NLRP5: variants seen among roughly 807,000 people sequenced by gnomAD.
NLRP5 encodes the protein NACHT, LRR and PYD domains-containing protein 5.
A neutral mutation model predicts 113.1 loss-of-function variants in NLRP5; 93 were observed. The ratio of observed to expected loss-of-function variants is 0.82; its 90% CI spans 0.70 to 0.98. NLRP5 has a LOEUF of 0.98. NLRP5 is among the 50% of genes least tolerant of loss of function. The pLI, the probability that NLRP5 is intolerant of heterozygous loss-of-function variation, is 0.00. For missense variants in NLRP5, 1,808 were observed against 1,514.3 expected, an observed-to-expected ratio of 1.19 and a Z score of -3.22; for synonymous variants, 751 against 600.7, an observed-to-expected ratio of 1.25 and a Z score of -3.66.
At chr19:56,060,089 G>A (rs552497876) in intron 14 of NLRP5, among the ~76,000 whole-genome samples, 3 of 152,292 alleles carry the variant, frequency 2.0e-5, no homozygotes, top group East Asian at 3.9e-4. Context: ...GACAAAATGA[G>A]CTGAAAAGGT....
upstream of NLRP5, among the ~76,000 whole-genome samples, chr19:55,995,712 A>G: frequency 6.6e-6 from 1 of 152,174 alleles, no homozygotes; most frequent in East Asian, 1.9e-4. Context: ...TCTTCTAATC[A>G]GTGAACGTTA....
In NLRP5 at chr19:56,028,012, C is replaced by CT; in HGVS notation, c.1781dup (p.Leu594PhefsTer20). On this transcript the variant is annotated frameshift_variant, in exon 7 of 15. Coordinates refer to ENST00000390649, the MANE Select transcript of NLRP5 (RefSeq NM_153447.4). LOFTEE classifies it high-confidence loss of function. The stretch of plus-strand genomic sequence containing the variant: ...TCAGTCTCCAGGACTTCTGTGCCGC[C>CT]TTGTACTACGTGTTAGAGGGCCTGG... 2.5e-6 allele frequency: 4 copies of CT among 1,614,030 alleles called. No individual in the cohort carries two copies. The highest frequency in any genetic ancestry group is 3.4e-6 in the Non-Finnish European group (4 of 1,179,902).
At chr19:56,054,190 T>G (rs945251814) in intron 13 of NLRP5, among the ~76,000 whole-genome samples, 1 of 152,114 alleles carries the variant, frequency 6.6e-6, no homozygotes, top group Non-Finnish European at 1.5e-5. Context: ...CCTTAAAACT[T>G]CAGTGAGCAT....
At position 56,032,684 on chromosome 19, in the gene NLRP5, C is replaced by T. The variant is rs202235616; in HGVS notation, c.2350C>T (p.Arg784Trp). The change falls in exon 8 of 15, where the codon CGG becomes TGG. Residue 784 changes from arginine (R) to tryptophan (W), a missense_variant. Coordinates refer to ENST00000390649, the MANE Select transcript of NLRP5 (RefSeq NM_153447.4). ...CATGCTTGGCACCCACCCACACCTG[C>T]GGCAGCTGGACCTGGGCAGCAGCAT... 2.9e-5 allele frequency: 47 copies of T among 1,613,408 alleles called. No homozygotes were observed. In the African/African-American group the frequency reaches 3.2e-4, roughly 11 times the overall value.
At position 56,007,908 on chromosome 19, in the gene NLRP5, T is replaced by C. The variant is rs7253134; in HGVS notation, c.443-880T>C. Reference sequence around the variant, plus strand: ...GTGTGTGCGCGTGCGCGCGTGCGTGTGTGTGTGTGTGTGTGTGTGTGTGTG... The same window carrying C: ...GTGTGTGCGCGTGCGCGCGTGCGTGCGTGTGTGTGTGTGTGTGTGTGTGTG... On this transcript the variant is annotated intron_variant, in intron 2 of 14. Transcript: ENST00000390649. Among the ~76,000 whole-genome samples, 13 of 21,772 alleles carry C rather than the reference T, an allele frequency of 6.0e-4. 1 individual carries two copies. The East Asian group carries it at 0.016, about 27-fold the overall frequency. The allele number at this position is 21,772 out of a possible 152,430, so 14.3% of individuals were successfully genotyped here. A position where few individuals can be genotyped will look rare whatever the true frequency, so the allele number is the denominator to read the frequency against.
chr19:55,994,787 C>T (rs995207974), upstream of NLRP5, among the ~76,000 whole-genome samples: 11 of 152,004 alleles, frequency 7.2e-5, no homozygotes, highest in African/African-American at 2.2e-4. Flanking sequence ...GCTTTTGTTG[C>T]CTGTCCTTTT....
At chr19:56,052,846 T>G (rs1983981286) in intron 12 of NLRP5, among the ~76,000 whole-genome samples, 1 of 152,236 alleles carries the variant, frequency 6.6e-6, no homozygotes, top group Non-Finnish European at 1.5e-5. Context: ...ATCTTGGCTC[T>G]GTCAGAATCT....
intron 13 of NLRP5, among the ~76,000 whole-genome samples, chr19:56,056,165 C>T (rs979892964): frequency 6.6e-6 from 1 of 152,156 alleles, no homozygotes; most frequent in Non-Finnish European, 1.5e-5. Context: ...TAACTCCTAC[C>T]CCTTCAAATA....
intron 6 of NLRP5, among the ~76,000 whole-genome samples, chr19:56,024,412 G>A (rs1243058531): frequency 1.7e-5 from 2 of 119,264 alleles, no homozygotes; most frequent in Non-Finnish European, 3.5e-5. Flanking sequence ...GTACATATAT[G>A]TATATATGTT....
intron 11 of NLRP5, 80 bp from the exon 12 acceptor site, chr19:56,050,337 TG>T: frequency 1.5e-6 from 2 of 1,341,892 alleles, no homozygotes; most frequent in Non-Finnish European, 2.1e-6. Context: ...AGACTGCAGC[TG>T]GGAGGAGAGC....
chr19:56,021,018 C>A (rs546715942), intron 6 of NLRP5, among the ~76,000 whole-genome samples: 3 of 151,828 alleles, frequency 2.0e-5, no homozygotes, highest in Non-Finnish European at 4.4e-5. Flanking sequence ...GGATTACAGG[C>A]CTGCCACCAT....
At chr19:56,017,491 A>G (rs1023667944) in intron 4 of NLRP5, among the ~76,000 whole-genome samples, 1 of 152,074 alleles carries the variant, frequency 6.6e-6, no homozygotes, top group Admixed American at 6.6e-5. Flanking sequence ...CACTCATTTC[A>G]AAGTATTTAA....
At chr19:56,046,888 T>A (rs570655019) in intron 11 of NLRP5, among the ~76,000 whole-genome samples, 1 of 152,336 alleles carries the variant, frequency 6.6e-6, no homozygotes, top group African/African-American at 2.4e-5. Flanking sequence ...GTCCTGGACT[T>A]GTTGGTAATT....
At chr19:56,044,548 GT>G (rs550904211) in intron 11 of NLRP5, among the ~76,000 whole-genome samples, 6 of 152,108 alleles carry the variant, frequency 3.9e-5, no homozygotes, top group Non-Finnish European at 7.3e-5. Context: ...TTATTTCTGG[GT>G]TCTCTATTCT....
intron 11 of NLRP5, among the ~76,000 whole-genome samples, chr19:56,044,581 A>AT (rs951675938): frequency 1.1e-4 from 17 of 152,096 alleles, no homozygotes; most frequent in African/African-American, 3.4e-4. Context: ...CTATGTGCCT[A>AT]TTTTTGCACG....
chr19:56,022,275 AG>A (rs1302948975), intron 6 of NLRP5, among the ~76,000 whole-genome samples: 2 of 152,182 alleles, frequency 1.3e-5, no homozygotes, highest in Non-Finnish European at 2.9e-5. Flanking sequence ...GCTGAAGTAC[AG>A]TGGCACAATC....
intron 4 of NLRP5, 170 bp from the exon 5 acceptor site, chr19:56,019,172 T>G (rs1982520815): frequency 1.5e-6 from 1 of 685,600 alleles, no homozygotes; most frequent in Admixed American, 2.8e-5. Flanking sequence ...AAGCTTTGAA[T>G]TAGTGCTCAT....
chr19:56,041,314 C>T (rs1181237453), intron 11 of NLRP5, among the ~76,000 whole-genome samples: 1 of 152,122 alleles, frequency 6.6e-6, no homozygotes, highest in Non-Finnish European at 1.5e-5. Context: ...TGTTCAAGGA[C>T]AGTCAGTTCT....
rs1981753720 is a variant in NLRP5, at chr19:56,003,943, C to T, written c.290C>T (p.Pro97Leu). 6.2e-7 allele frequency: 1 copy of T among 1,613,952 alleles called. No individual in the cohort carries two copies. Among genetic ancestry groups the T allele is most frequent in the Non-Finnish European group, 8.5e-7 (1 of 1,179,886 alleles). ...TCAGAATCGACCACATGCTCTATTC[C>T]ACAGTTTGAAATCGAGAATGCCAAC... The change falls in exon 2 of 15, where the codon CCA becomes CTA. Residue 97 changes from proline to leucine, a missense_variant. By Grantham distance (98) the Pro-to-Leu change is moderately conservative. Coordinates refer to ENST00000390649, the MANE Select transcript of NLRP5 (RefSeq NM_153447.4).
Sources: gnomAD v4.1 joint callset for allele counts (sites outside exome capture counted in the v4.1 genomes callset) on GRCh38, gnomAD v4.1.1 for gene constraint, MANE v1.5 for transcripts, NCBI Gene and HGNC (gene_info 2026-07-23, HGNC 2026-07-21) for gene names.